Variants in CEP128 observed in about 807,000 individuals in gnomAD.
The protein encoded by CEP128 is centrosomal protein 128, also known as centrosomal protein 128kDa.
CEP128 carries 132 observed loss-of-function variants against 156.7 expected under a neutral mutation model. The ratio of observed to expected loss-of-function variants is 0.84; its 90% CI spans 0.73 to 0.97. CEP128 has a LOEUF of 0.97. Among genes scored for constraint, CEP128 ranks in the 50% least tolerant of loss-of-function variants. The pLI is 0.00. For missense variants in CEP128, 1,252 were observed against 1,281.9 expected, an observed-to-expected ratio of 0.98 and a Z score of 0.36; for synonymous variants, 469 against 448.9, an observed-to-expected ratio of 1.04 and a Z score of -0.57.
intron 17 of CEP128, among the ~76,000 whole-genome samples, chr14:80,760,743 A>G (rs1363861818): frequency 6.6e-6 from 1 of 152,142 alleles, no homozygotes; most frequent in Non-Finnish European, 1.5e-5. Flanking sequence ...AATTCAGAGC[A>G]TCCATGATCA....
intron 19 of CEP128, among the ~76,000 whole-genome samples, chr14:80,604,698 C>T (rs1191424611): frequency 3.9e-5 from 6 of 152,072 alleles, no homozygotes; most frequent in Non-Finnish European, 2.9e-5. Context: ...TTTGTTCCTA[C>T]TTTTATTATA....
At chr14:80,764,609 T>C (rs966686314) in intron 16 of CEP128, among the ~76,000 whole-genome samples, 6 of 152,194 alleles carry the variant, frequency 3.9e-5, no homozygotes, top group Admixed American at 3.9e-4. Flanking sequence ...GTAAAAGCTG[T>C]AGGACTATGG....
At chr14:80,793,365 T>C (rs928414965) in intron 13 of CEP128, among the ~76,000 whole-genome samples, 2 of 152,218 alleles carry the variant, frequency 1.3e-5, no homozygotes, top group Admixed American at 6.5e-5. Flanking sequence ...GTGTTTCCAA[T>C]TGACTGTCAC....
chr14:80,713,542 T>C (rs1442227006), intron 19 of CEP128, among the ~76,000 whole-genome samples: 1 of 152,124 alleles, frequency 6.6e-6, no homozygotes, highest in East Asian at 1.9e-4. Flanking sequence ...CTCCATTATC[T>C]GTATATATAG....
At chr14:80,952,805 T>C (rs1055949534) in intron 2 of CEP128, among the ~76,000 whole-genome samples, 1 of 152,108 alleles carries the variant, frequency 6.6e-6, no homozygotes, top group African/African-American at 2.4e-5. Flanking sequence ...CAATATCAGG[T>C]ATGACAGAGT....
chr14:80,638,172 A>G (rs964676345), intron 19 of CEP128, among the ~76,000 whole-genome samples: 1 of 152,124 alleles, frequency 6.6e-6, no homozygotes, highest in Non-Finnish European at 1.5e-5. Flanking sequence ...CCTTCTCTTC[A>G]TATTTCAATA....
chr14:80,895,637 A>T, intron 8 of CEP128, 81 bp downstream of exon 8: 1 of 949,120 alleles, frequency 1.1e-6, no homozygotes, highest in Non-Finnish European at 1.5e-6. Context: ...GTTAAACTCT[A>T]CTAAACTTCA....
At chr14:80,495,627 T>A (rs1409236830), downstream of CEP128, among the ~76,000 whole-genome samples, 1 of 152,098 alleles carries the variant, frequency 6.6e-6, no homozygotes, top group African/African-American at 2.4e-5. Flanking sequence ...AAGTAAATAA[T>A]TTGAGTTACT....
chr14:80,782,255 A>T (rs1237804233), intron 15 of CEP128, among the ~76,000 whole-genome samples: 1 of 152,162 alleles, frequency 6.6e-6, no homozygotes, highest in East Asian at 1.9e-4. Flanking sequence ...AAGTTATTTG[A>T]CCTGTTCTTT....
chr14:80,869,702 C>T (rs1343327369), intron 8 of CEP128, among the ~76,000 whole-genome samples: 1 of 151,898 alleles, frequency 6.6e-6, no homozygotes. Context: ...GGTACATGGG[C>T]AGGTTTGTTA....
chr14:80,934,920 A>ATAATAGC (rs1342640127), intron 2 of CEP128, among the ~76,000 whole-genome samples: 1 of 152,230 alleles, frequency 6.6e-6, no homozygotes, highest in African/African-American at 2.4e-5. Flanking sequence ...TATTGAAATA[A>ATAATAGC]TAATAGCTAT....
intron 19 of CEP128, among the ~76,000 whole-genome samples, chr14:80,729,814 C>T (rs755214641): frequency 2.0e-5 from 3 of 152,166 alleles, no homozygotes; most frequent in Admixed American, 6.5e-5. Context: ...CTTCTCCTTT[C>T]CTCCCTTAAC....
At chr14:80,893,382 G>A (rs1326909215) in intron 8 of CEP128, among the ~76,000 whole-genome samples, 1 of 151,702 alleles carries the variant, frequency 6.6e-6, no homozygotes, top group Non-Finnish European at 1.5e-5. Context: ...CAAAGTAGCT[G>A]ATATGTAGGA....
chr14:80,529,117 C>G (rs1889108859), intron 22 of CEP128, among the ~76,000 whole-genome samples: 2 of 152,138 alleles, frequency 1.3e-5, no homozygotes, highest in Admixed American at 1.3e-4. Context: ...CTTCAGTGTC[C>G]TCATCTATAA....
intron 16 of CEP128, among the ~76,000 whole-genome samples, chr14:80,771,234 C>A (rs189095867): frequency 3.9e-5 from 6 of 152,124 alleles, no homozygotes; most frequent in Admixed American, 6.5e-5. Context: ...AATGCAATAA[C>A]CCTAAATTTA....
At chr14:80,514,885 A>G (rs981319354) in intron 23 of CEP128, among the ~76,000 whole-genome samples, 6 of 152,114 alleles carry the variant, frequency 3.9e-5, no homozygotes, top group African/African-American at 1.4e-4. Context: ...CAAGTATTCA[A>G]AGGGAATTGA....
intron 15 of CEP128, 63 bp downstream of exon 15, chr14:80,784,832 A>C: frequency 7.4e-7 from 1 of 1,352,426 alleles, no homozygotes; most frequent in Non-Finnish European, 1.0e-6. Context: ...TTTACGCTTT[A>C]TTAACTTCAT....
intron 20 of CEP128, among the ~76,000 whole-genome samples, chr14:80,568,628 G>T (rs1891015454): frequency 6.6e-6 from 1 of 152,008 alleles, no homozygotes; most frequent in African/African-American, 2.4e-5. Flanking sequence ...GCTGAGATGG[G>T]GTAGCTTTTT....
chr14:80,624,348 C>T (rs185494224), intron 19 of CEP128, among the ~76,000 whole-genome samples: 57 of 152,186 alleles, frequency 3.7e-4, no homozygotes, highest in African/African-American at 1.3e-3. Context: ...TAGGTTGATT[C>T]CATGTCTTAG....
Sources: gnomAD v4.1 joint callset for allele counts (sites outside exome capture counted in the v4.1 genomes callset) on GRCh38, gnomAD v4.1.1 for gene constraint, MANE v1.5 for transcripts, NCBI Gene and HGNC (gene_info 2026-07-23, HGNC 2026-07-21) for gene names.